NPAS3: variants seen among roughly 807,000 people sequenced by gnomAD.
NPAS3 encodes the protein neuronal PAS domain protein 3.
In NPAS3, 14 loss-of-function variants were observed where a neutral mutation model predicts 73.1. The observed-to-expected ratio is 0.19, with a 90% confidence interval of 0.13 to 0.30. NPAS3 has a LOEUF of 0.30. Ranked by LOEUF, NPAS3 falls within the 10% of genes least tolerant of loss-of-function variation. NPAS3 has a pLI of 1.00. For missense variants in NPAS3, 1,096 were observed against 1,250.0 expected (o/e 0.88, Z 1.86); for synonymous variants, 620 against 541.5 (o/e 1.14, Z -2.01).
chr14:33,661,066 AAG>A (rs1275389086), intron 5 of NPAS3, among the ~76,000 whole-genome samples: 3 of 150,452 alleles, frequency 2.0e-5, no homozygotes, highest in Non-Finnish European at 2.9e-5. Flanking sequence ...TTTTTTTAAA[AAG>A]AAGCTTCAGT....
chr14:32,984,558 T>C (rs2038024851), intron 1 of NPAS3, among the ~76,000 whole-genome samples: 1 of 152,208 alleles, frequency 6.6e-6, no homozygotes, highest in Admixed American at 6.5e-5. Context: ...GTGCTGTATT[T>C]TGAATGGAAA....
chr14:33,084,933 C>T (rs1254879346), intron 2 of NPAS3, among the ~76,000 whole-genome samples: 2 of 151,912 alleles, frequency 1.3e-5, no homozygotes, highest in Non-Finnish European at 1.5e-5. Flanking sequence ...GATGTTTTGG[C>T]GTAAGATATG....
At chr14:33,729,406 C>A (rs540448630) in intron 6 of NPAS3, among the ~76,000 whole-genome samples, 1 of 152,160 alleles carries the variant, frequency 6.6e-6, no homozygotes, top group East Asian at 1.9e-4. Flanking sequence ...CAAATTACCC[C>A]CAAATATTGA....
intron 3 of NPAS3, among the ~76,000 whole-genome samples, chr14:33,355,361 C>T (rs147276601): frequency 0.01 from 1,595 of 152,116 alleles, 32 homozygotes; most frequent in African/African-American, 0.036. Flanking sequence ...AGTGCAGTGG[C>T]GAGATCTCGG....
At chr14:33,020,553 A>G (rs1231614173) in intron 1 of NPAS3, among the ~76,000 whole-genome samples, 1 of 152,120 alleles carries the variant, frequency 6.6e-6, no homozygotes, top group Non-Finnish European at 1.5e-5. Context: ...TGTCATGCCC[A>G]TTTTTTGGAT....
chr14:33,663,089 C>T (rs966430705), intron 5 of NPAS3, among the ~76,000 whole-genome samples: 4 of 151,846 alleles, frequency 2.6e-5, no homozygotes, highest in East Asian at 3.9e-4. Context: ...TGCCTGATTG[C>T]GCTGGCCAGA....
intron 1 of NPAS3, among the ~76,000 whole-genome samples, chr14:32,971,844 T>G (rs1302443003): frequency 6.6e-6 from 1 of 152,188 alleles, no homozygotes; most frequent in Non-Finnish European, 1.5e-5. Context: ...TTTTGAAATA[T>G]TTTAATCTGG....
chr14:33,436,349 T>C (rs2048989775), intron 4 of NPAS3, among the ~76,000 whole-genome samples: 1 of 152,166 alleles, frequency 6.6e-6, no homozygotes, highest in African/African-American at 2.4e-5. Context: ...TAATAGCTAA[T>C]TAAGGGGATC....
chr14:33,087,193 T>C (rs1397052156), intron 2 of NPAS3, among the ~76,000 whole-genome samples: 1 of 123,594 alleles, frequency 8.1e-6, no homozygotes, highest in Non-Finnish European at 1.7e-5. Flanking sequence ...AATATAATAT[T>C]GTATAATAAT....
rs1387069793 is a variant in NPAS3, at chr14:33,061,113, T to C, written c.140+5119T>C. Among the ~76,000 whole-genome samples the C allele has an allele frequency of 4.6e-5, 7 of 152,296 alleles. No individual in the cohort carries two copies. In the East Asian group the frequency reaches 5.8e-4, roughly 13 times the overall value. The stretch of plus-strand genomic sequence containing the variant: ...CAAGACAGAGTGCTAACCACTTTCA[T>C]GTGTTATCCCAATTAAGGCGAACAA... On this transcript the variant is annotated intron_variant, in intron 2 of 11. Transcript: ENST00000356141.
At chr14:33,387,354 C>G (rs1049509083) in intron 4 of NPAS3, among the ~76,000 whole-genome samples, 1 of 152,168 alleles carries the variant, frequency 6.6e-6, no homozygotes, top group African/African-American at 2.4e-5. Flanking sequence ...TCCTCCAACT[C>G]CATCCCCCAA....
At chr14:33,149,311 T>G (rs1260945957) in intron 2 of NPAS3, among the ~76,000 whole-genome samples, 1 of 152,238 alleles carries the variant, frequency 6.6e-6, no homozygotes, top group Non-Finnish European at 1.5e-5. Flanking sequence ...GTGACTGATT[T>G]GGACCAAGAT....
chr14:33,796,329 A>AG (rs2063512482), intron 10 of NPAS3, among the ~76,000 whole-genome samples: 1 of 152,210 alleles, frequency 6.6e-6, no homozygotes, highest in Non-Finnish European at 1.5e-5. Context: ...CAGAGTATTC[A>AG]GAGACAGAGT....
At chr14:33,321,474 C>A (rs1254304493) in intron 3 of NPAS3, among the ~76,000 whole-genome samples, 1 of 151,784 alleles carries the variant, frequency 6.6e-6, no homozygotes, top group African/African-American at 2.4e-5. Context: ...AACAATGTGG[C>A]CCTTATATTC....
intron 4 of NPAS3, among the ~76,000 whole-genome samples, chr14:33,509,987 C>A (rs1177550340): frequency 6.6e-6 from 1 of 151,982 alleles, no homozygotes; most frequent in Non-Finnish European, 1.5e-5. Flanking sequence ...ATATCCTGAA[C>A]CTATGTGCAT....
intron 2 of NPAS3, among the ~76,000 whole-genome samples, chr14:33,087,701 C>T (rs2042084643): frequency 2.0e-5 from 3 of 152,132 alleles, no homozygotes; most frequent in Middle Eastern, 3.4e-3. Context: ...TCATTGTGCA[C>T]ACATAAATAT....
At chr14:32,993,825 G>T (rs150844035) in intron 1 of NPAS3, among the ~76,000 whole-genome samples, 2 of 152,256 alleles carry the variant, frequency 1.3e-5, no homozygotes, top group South Asian at 2.1e-4. Context: ...TTAAAAGACC[G>T]ATATATCTTC....
chr14:32,937,095 T>C (rs574284021), upstream of NPAS3, among the ~76,000 whole-genome samples: 5 of 152,168 alleles, frequency 3.3e-5, no homozygotes, highest in Admixed American at 3.3e-4. Context: ...TACTGTCTTT[T>C]AGTCAAAATA....
chr14:33,630,431 T>A (rs114169356), intron 5 of NPAS3, among the ~76,000 whole-genome samples: 278 of 152,334 alleles, frequency 1.8e-3, no homozygotes, highest in African/African-American at 6.5e-3. Flanking sequence ...TCCTTAATTA[T>A]CCCACTGAGA....
Sources: gnomAD v4.1 joint callset for allele counts (sites outside exome capture counted in the v4.1 genomes callset) on GRCh38, gnomAD v4.1.1 for gene constraint, MANE v1.5 for transcripts, NCBI Gene and HGNC (gene_info 2026-07-23, HGNC 2026-07-21) for gene names.